Variants in SPATA13 observed in about 807,000 individuals in gnomAD.
The protein encoded by SPATA13 is spermatogenesis associated 13, also known as spermatogenesis-associated protein 13.
SPATA13 carries 50 observed loss-of-function variants against 104.0 expected under a neutral mutation model. The ratio of observed to expected loss-of-function variants is 0.48; its 90% CI spans 0.38 to 0.61. The LOEUF is 0.61. SPATA13 is among the 20% of genes least tolerant of loss of function. The pLI, the probability that SPATA13 is intolerant of heterozygous loss-of-function variation, is 0.00. For synonymous variants in SPATA13, 606 were observed against 667.5 expected (o/e 0.91, Z 1.42); for missense variants, 1,524 against 1,690.6 (o/e 0.90, Z 1.73).
intron 3 of SPATA13, among the ~76,000 whole-genome samples, chr13:24,042,181 G>A (rs991668082): frequency 6.6e-6 from 1 of 152,162 alleles, no homozygotes; most frequent in Admixed American, 6.5e-5. Flanking sequence ...GGTTGTGAGA[G>A]AGAAAGCAGG....
intron 1 of SPATA13, among the ~76,000 whole-genome samples, chr13:24,173,520 T>G (rs566496295): frequency 2.0e-4 from 31 of 151,754 alleles, no homozygotes; most frequent in African/African-American, 6.5e-4. Context: ...ACTTTTTTTT[T>G]TTTTTGGCCT....
rs76765245 is a variant in SPATA13, at chr13:24,146,396, C to T, written c.-111-76423C>T. ...TGCGGCCAGGCCAGATCACCGAGTA[C>T]CCTTGTGATCGTTAGCTGCTTCCAT... On this transcript the variant is annotated intron_variant, in intron 3 of 14. Transcript: ENST00000424834. 7.2e-3 allele frequency among the ~76,000 whole-genome samples: 1,102 copies of T among 152,330 alleles called. 14 individuals are homozygous for T. Among genetic ancestry groups the T allele is most frequent in the African/African-American group, 0.025 (1,043 of 41,566 alleles).
chr13:24,056,419 G>T (rs1570887), intron 3 of SPATA13, among the ~76,000 whole-genome samples: 1 of 152,218 alleles, frequency 6.6e-6, no homozygotes, highest in African/African-American at 2.4e-5. Flanking sequence ...TTACCTTTAG[G>T]CTTGTTATTC....
chr13:24,167,159 T>G (rs1054144457), intron 1 of SPATA13, among the ~76,000 whole-genome samples: 15 of 152,196 alleles, frequency 9.9e-5, no homozygotes, highest in Non-Finnish European at 1.5e-4. Context: ...ATTCCATGAA[T>G]TGATCCTTGT....
chr13:23,993,644 C>A (rs1875523382), intron 2 of SPATA13, among the ~76,000 whole-genome samples: 1 of 152,154 alleles, frequency 6.6e-6, no homozygotes, highest in Admixed American at 6.5e-5. Context: ...ATTGTTGGAC[C>A]ATGGATTCAA....
At chr13:24,230,622 C>T (rs1028420332) in intron 2 of SPATA13, among the ~76,000 whole-genome samples, 2 of 152,138 alleles carry the variant, frequency 1.3e-5, no homozygotes, top group Non-Finnish European at 2.9e-5. Flanking sequence ...ATAAGTGTCC[C>T]GACCACATAG....
At chr13:24,254,759 G>A (rs540616976) in intron 4 of SPATA13, among the ~76,000 whole-genome samples, 7 of 152,070 alleles carry the variant, frequency 4.6e-5, no homozygotes, top group Non-Finnish European at 5.9e-5. Flanking sequence ...CAGACTTCCT[G>A]TGGTTTAGCC....
chr13:24,034,634 A>G (rs1405517320), intron 3 of SPATA13: 1 of 152,178 alleles, frequency 6.6e-6, no homozygotes, highest in African/African-American at 2.4e-5. Context: ...TAGTCTTGTG[A>G]TGTCACTTGG....
At chr13:24,070,731 G>C (rs188316216) in intron 3 of SPATA13, among the ~76,000 whole-genome samples, 2 of 152,124 alleles carry the variant, frequency 1.3e-5, no homozygotes, top group South Asian at 2.1e-4. Context: ...TCAGTTAAAG[G>C]CCTCAATAGA....
chr13:24,072,548 C>G (rs563356243), intron 3 of SPATA13, among the ~76,000 whole-genome samples: 2 of 152,170 alleles, frequency 1.3e-5, no homozygotes, highest in Non-Finnish European at 2.9e-5. Context: ...TGTTTAGACT[C>G]ACTGCCTCTC....
intron 1 of SPATA13, among the ~76,000 whole-genome samples, chr13:24,181,806 TAC>T (rs1344530113): frequency 6.7e-6 from 1 of 148,966 alleles, no homozygotes; most frequent in African/African-American, 2.5e-5. Context: ...GCATACACTT[TAC>T]ATGAACTATA....
At chr13:24,027,739 A>G (rs1446462416) in intron 3 of SPATA13, among the ~76,000 whole-genome samples, 2 of 152,110 alleles carry the variant, frequency 1.3e-5, no homozygotes, top group Non-Finnish European at 2.9e-5. Context: ...AGTTTCATAT[A>G]CTCGAAATTG....
At chr13:24,061,786 G>A (rs1252440966) in intron 3 of SPATA13, among the ~76,000 whole-genome samples, 2 of 151,522 alleles carry the variant, frequency 1.3e-5, no homozygotes, top group African/African-American at 2.4e-5. Flanking sequence ...TCATACCTGG[G>A]TGATGAAATA....
chr13:24,192,007 G>A lies in SPATA13; in HGVS notation c.-111-30812G>A, dbSNP rs182896746. ...AAGGGAACAAAAAAGAAAAATACAC[G>A]GCAAAGTGAGATGGAGTCCTGCTAA... On this transcript the variant is annotated intron_variant, in intron 1 of 12. Transcript: ENST00000382108. 7.2e-5 allele frequency among the ~76,000 whole-genome samples: 11 copies of A among 152,178 alleles called. No individual in the cohort carries two copies. The East Asian group carries it at 9.7e-4, about 13-fold the overall frequency.
chr13:24,024,938 AT>A (rs1877142042), intron 3 of SPATA13, among the ~76,000 whole-genome samples: 1 of 32,218 alleles, frequency 3.1e-5, no homozygotes, highest in Non-Finnish European at 7.5e-5. Context: ...AAATTCATAT[AT>A]ATATAAATAT....
chr13:24,114,756 G>A (rs1308952446), intron 3 of SPATA13, among the ~76,000 whole-genome samples: 4 of 151,870 alleles, frequency 2.6e-5, no homozygotes, highest in Non-Finnish European at 4.4e-5. Flanking sequence ...TCCACCTCCC[G>A]GGTTCAAGTG....
intron 3 of SPATA13, among the ~76,000 whole-genome samples, chr13:24,144,077 A>G (rs377482418): frequency 2.0e-5 from 3 of 152,264 alleles, no homozygotes; most frequent in East Asian, 3.9e-4. Flanking sequence ...AATGTTCATG[A>G]GCTGAATGTG....
At chr13:24,251,897 T>C (rs749971125) in intron 4 of SPATA13, 35 bp downstream of exon 4, 2 of 1,597,562 alleles carry the variant, frequency 1.3e-6, no homozygotes, top group East Asian at 4.5e-5. Context: ...TCAGAGCTGC[T>C]ATGGGCCCAT....
chr13:24,202,896 A>C (rs1870500572), intron 1 of SPATA13, among the ~76,000 whole-genome samples: 1 of 152,156 alleles, frequency 6.6e-6, no homozygotes, highest in African/African-American at 2.4e-5. Context: ...GGAGTGGAGA[A>C]GTCGACAAGC....
Sources: allele counts gnomAD v4.1 joint callset (sites outside exome capture counted in the v4.1 genomes callset), GRCh38; gene constraint gnomAD v4.1.1; transcripts MANE v1.5; gene names NCBI Gene and HGNC (gene_info 2026-07-23, HGNC 2026-07-21).